The following RANBP2 variants were observed in gnomAD, a reference collection of about 807,000 sequenced individuals.
The protein encoded by RANBP2 is RAN binding protein 2.
In RANBP2, 57 loss-of-function variants were observed where a neutral mutation model predicts 303.6. The ratio of observed to expected loss-of-function variants is 0.19; its 90% CI spans 0.15 to 0.23. RANBP2 has a LOEUF of 0.23. RANBP2 is among the 10% of genes least tolerant of loss of function. The pLI, the probability that RANBP2 is intolerant of heterozygous loss-of-function variation, is 1.00. For synonymous variants in RANBP2, 1,167 were observed against 1,301.5 expected (o/e 0.90, Z 2.23); for missense variants, 3,138 against 3,780.8 (o/e 0.83, Z 4.46).
the RANBP2 span, among the ~76,000 whole-genome samples, chr2:109,654,596 C>T: frequency 6.6e-6 from 1 of 152,098 alleles, no homozygotes; most frequent in Non-Finnish European, 1.5e-5. Context: ...ACTAGCCCTT[C>T]ACTGAAAGCA....
At chr2:109,240,624 G>A in the RANBP2 span, among the ~76,000 whole-genome samples, 1 of 152,124 alleles carries the variant, frequency 6.6e-6, no homozygotes, top group Non-Finnish European at 1.5e-5. Context: ...CAAACCTTCA[G>A]CTTCTCTAAT....
At chr2:109,408,449 C>T in the RANBP2 span, among the ~76,000 whole-genome samples, 1 of 152,356 alleles carries the variant, frequency 6.6e-6, no homozygotes, top group African/African-American at 2.4e-5. Context: ...GGCTAAACCA[C>T]CTACCTCCCC....
the RANBP2 span, among the ~76,000 whole-genome samples, chr2:108,954,737 G>A: frequency 1.5e-3 from 224 of 151,614 alleles, 2 homozygotes; most frequent in African/African-American, 4.0e-3. Context: ...GTGCAATGGC[G>A]TGATCTCGGC....
the RANBP2 span, among the ~76,000 whole-genome samples, chr2:109,672,106 T>C: frequency 6.6e-6 from 1 of 152,368 alleles, no homozygotes; most frequent in South Asian, 2.1e-4. Flanking sequence ...CAGTGTGTTG[T>C]ATTTTTAAAA....
the RANBP2 span, among the ~76,000 whole-genome samples, chr2:109,187,092 G>A: frequency 6.7e-6 from 1 of 149,730 alleles, no homozygotes; most frequent in African/African-American, 2.4e-5. Flanking sequence ...CTAGCATCAT[G>A]ACCACACTCT....
In RANBP2 at chr2:108,778,005, A is replaced by G. The variant is rs533002605; in HGVS notation, c.8599+774A>G. Among the ~76,000 whole-genome samples, 21 of 152,280 alleles carry G rather than the reference A, an allele frequency of 1.4e-4. No homozygotes were observed. The South Asian group carries it at 4.4e-3, about 32-fold the overall frequency. On this transcript the variant is annotated intron_variant, in intron 25 of 28. Coordinates refer to ENST00000283195, the MANE Select transcript of RANBP2 (RefSeq NM_006267.5). ...CATAAAACTTTTAGAAATTACCTTC[A>G]GATGTGATGTTATGTTGGAATTCAT...
the RANBP2 span, among the ~76,000 whole-genome samples, chr2:109,723,340 G>A: frequency 5.3e-5 from 8 of 152,058 alleles, no homozygotes; most frequent in South Asian, 2.1e-4. Flanking sequence ...TAGTAGAGAC[G>A]TTTCACCCTA....
the RANBP2 span, among the ~76,000 whole-genome samples, chr2:108,821,666 C>T: frequency 6.6e-6 from 1 of 151,686 alleles, no homozygotes; most frequent in African/African-American, 2.4e-5. Flanking sequence ...CCTTCCTGGC[C>T]GAGTGTGGTG....
chr2:109,286,391 C>A, the RANBP2 span, among the ~76,000 whole-genome samples: 1 of 152,190 alleles, frequency 6.6e-6, no homozygotes, highest in Non-Finnish European at 1.5e-5. Flanking sequence ...CAAAGGCAAG[C>A]AGGAACCTGG....
At chr2:108,934,495 G>T in the RANBP2 span, among the ~76,000 whole-genome samples, 6 of 152,224 alleles carry the variant, frequency 3.9e-5, no homozygotes, top group African/African-American at 1.4e-4. Context: ...CAGTGATGGG[G>T]AGAGGGAGCA....
the RANBP2 span, among the ~76,000 whole-genome samples, chr2:108,924,367 C>A: frequency 3.3e-5 from 5 of 152,228 alleles, no homozygotes; most frequent in Non-Finnish European, 2.9e-5. Flanking sequence ...CTTCCCTCTG[C>A]AGGCTCTAGC....
the RANBP2 span, among the ~76,000 whole-genome samples, chr2:109,192,082 G>A: frequency 1.3e-5 from 2 of 152,080 alleles, no homozygotes; most frequent in African/African-American, 2.4e-5. Flanking sequence ...TTTGCAAACC[G>A]AGCGACAGAA....
the RANBP2 span, among the ~76,000 whole-genome samples, chr2:108,825,921 A>G: frequency 6.6e-6 from 1 of 152,208 alleles, no homozygotes; most frequent in African/African-American, 2.4e-5. Flanking sequence ...ATCATGGTCA[A>G]AACATACGGA....
At chr2:109,633,669 T>C in the RANBP2 span, among the ~76,000 whole-genome samples, 2 of 151,910 alleles carry the variant, frequency 1.3e-5, no homozygotes, top group Non-Finnish European at 2.9e-5. Context: ...CTCTCTCTTC[T>C]CTCCTCTCCC....
At chr2:109,061,621 G>A in the RANBP2 span, among the ~76,000 whole-genome samples, 1 of 152,110 alleles carries the variant, frequency 6.6e-6, no homozygotes, top group Admixed American at 6.6e-5. Flanking sequence ...ATATTGTCAT[G>A]GCTAATAAAT....
At chr2:109,440,837 C>T in the RANBP2 span, among the ~76,000 whole-genome samples, 1 of 152,128 alleles carries the variant, frequency 6.6e-6, no homozygotes, top group African/African-American at 2.4e-5. Context: ...TGCATATGAA[C>T]ATGAGAAACG....
the RANBP2 span, among the ~76,000 whole-genome samples, chr2:109,090,421 T>C: frequency 6.6e-6 from 1 of 151,686 alleles, no homozygotes. Context: ...CCTAGCAAGA[T>C]AAAAAGCAAA....
chr2:108,963,816 G>C, the RANBP2 span, among the ~76,000 whole-genome samples: 1 of 152,228 alleles, frequency 6.6e-6, no homozygotes, highest in African/African-American at 2.4e-5. Context: ...CTGCCTTCTT[G>C]TGGGAAGATA....
the RANBP2 span, among the ~76,000 whole-genome samples, chr2:109,085,973 C>A: frequency 6.6e-6 from 1 of 152,180 alleles, no homozygotes; most frequent in African/African-American, 2.4e-5. Flanking sequence ...CTGCCATCAC[C>A]ACCATCCATC....
Sources: allele counts gnomAD v4.1 joint callset (sites outside exome capture counted in the v4.1 genomes callset), GRCh38; gene constraint gnomAD v4.1.1; transcripts MANE v1.5; gene names NCBI Gene and HGNC (gene_info 2026-07-23, HGNC 2026-07-21).